Variants in VWA3B observed in about 807,000 individuals in gnomAD.
The protein encoded by VWA3B is von Willebrand factor A domain containing 3B.
A neutral mutation model predicts 158.3 loss-of-function variants in VWA3B; 138 were observed. The observed-to-expected ratio is 0.87, with a 90% CI of 0.76 to 1.00. VWA3B has a LOEUF of 1.00. Among genes scored for constraint, VWA3B ranks in the 50% least tolerant of loss-of-function variants. The pLI, the probability that VWA3B is intolerant of heterozygous loss-of-function variation, is 0.00. For missense variants in VWA3B, 1,555 were observed against 1,565.1 expected, an observed-to-expected ratio of 0.99 and a Z score of 0.11; for synonymous variants, 596 against 587.3, an observed-to-expected ratio of 1.01 and a Z score of -0.21.
At chr2:98,186,450 T>C (rs574505002) in intron 9 of VWA3B, among the ~76,000 whole-genome samples, 1 of 152,240 alleles carries the variant, frequency 6.6e-6, no homozygotes, top group South Asian at 2.1e-4. Context: ...TACCTGGATG[T>C]CTAATAGGCA....
chr2:98,217,809 A>G (rs758951028), intron 13 of VWA3B, 37 bp from the exon 14 acceptor site: 49 of 1,516,044 alleles, frequency 3.2e-5, no homozygotes, highest in Non-Finnish European at 4.0e-5. Flanking sequence ...TTCTCTTTCC[A>G]TCTCCCTTCC....
chr2:98,159,122 T>G (rs924040207), intron 7 of VWA3B, among the ~76,000 whole-genome samples: 2 of 152,234 alleles, frequency 1.3e-5, no homozygotes, highest in Non-Finnish European at 1.5e-5. Context: ...GAGTCTCATT[T>G]TATTTGTCAA....
intron 7 of VWA3B, among the ~76,000 whole-genome samples, chr2:98,150,411 C>T (rs1436084777): frequency 6.6e-6 from 1 of 152,172 alleles, no homozygotes; most frequent in East Asian, 1.9e-4. Flanking sequence ...TATTGTCCTT[C>T]AGGAGTTCGT....
At chr2:98,322,200 A>G in the VWA3B span, among the ~76,000 whole-genome samples, 1 of 152,216 alleles carries the variant, frequency 6.6e-6, no homozygotes, top group East Asian at 1.9e-4. Flanking sequence ...CTCTATTTAA[A>G]GGCACAATAA....
intron 19 of VWA3B, among the ~76,000 whole-genome samples, chr2:98,246,984 A>G (rs987659222): frequency 6.6e-6 from 1 of 151,890 alleles, no homozygotes; most frequent in African/African-American, 2.4e-5. Flanking sequence ...TGATTGTTTT[A>G]AAAGTTTTAA....
At chr2:98,211,889 T>G (rs761963784) in intron 12 of VWA3B, 41 bp from the exon 13 acceptor site, 1 of 1,542,976 alleles carries the variant, frequency 6.5e-7, no homozygotes. Flanking sequence ...GAATTCTTTT[T>G]TGGGATTCAA....
chr2:98,258,096 CT>C (rs1243478473), intron 21 of VWA3B, among the ~76,000 whole-genome samples: 2 of 151,876 alleles, frequency 1.3e-5, no homozygotes, highest in Non-Finnish European at 2.9e-5. Flanking sequence ...TTATCCAGCA[CT>C]ATTTGTTTAA....
At chr2:98,088,279 C>T (rs1682008597) in intron 1 of VWA3B, among the ~76,000 whole-genome samples, 1 of 152,162 alleles carries the variant, frequency 6.6e-6, no homozygotes, top group South Asian at 2.1e-4. Flanking sequence ...AATAAAGTAG[C>T]TAGAAGCTTA....
intron 23 of VWA3B, among the ~76,000 whole-genome samples, chr2:98,293,694 A>G (rs1689628171): frequency 1.3e-5 from 2 of 152,304 alleles, no homozygotes; most frequent in South Asian, 4.1e-4. Context: ...TTATCATGTT[A>G]CTTTATCCCT....
At chr2:98,245,015 T>A (rs1046924804) in intron 19 of VWA3B, among the ~76,000 whole-genome samples, 4 of 152,090 alleles carry the variant, frequency 2.6e-5, no homozygotes, top group Non-Finnish European at 5.9e-5. Flanking sequence ...TACCTCTACC[T>A]CTCTACTAGT....
At chr2:98,156,340 C>T (rs1232119028) in intron 7 of VWA3B, among the ~76,000 whole-genome samples, 1 of 152,206 alleles carries the variant, frequency 6.6e-6, no homozygotes, top group Non-Finnish European at 1.5e-5. Context: ...TAATTAGCCT[C>T]CTAGAACTTG....
chr2:98,158,023 T>A (rs1678242169), intron 7 of VWA3B, among the ~76,000 whole-genome samples: 1 of 152,158 alleles, frequency 6.6e-6, no homozygotes, highest in Admixed American at 6.5e-5. Context: ...ACTTCGTGTT[T>A]TAAGGGATGT....
chr2:98,158,669 C>T (rs1233586043), intron 7 of VWA3B, among the ~76,000 whole-genome samples: 3 of 146,254 alleles, frequency 2.1e-5, no homozygotes, highest in Admixed American at 6.9e-5. Flanking sequence ...GTTCATTCCA[C>T]GGGACTGAGA....
intron 7 of VWA3B, among the ~76,000 whole-genome samples, chr2:98,135,669 G>T (rs1279667006): frequency 1.3e-5 from 2 of 152,168 alleles, no homozygotes; most frequent in Non-Finnish European, 2.9e-5. Flanking sequence ...TGCTTGGCAT[G>T]GATCGTTGTT....
At chr2:98,185,508 G>A (rs997107671) in intron 9 of VWA3B, among the ~76,000 whole-genome samples, 8 of 152,172 alleles carry the variant, frequency 5.3e-5, no homozygotes, top group African/African-American at 1.9e-4. Context: ...TGGATATTTT[G>A]TGCTGCCTAG....
chr2:98,262,078 T>G (rs897601247), intron 21 of VWA3B, among the ~76,000 whole-genome samples: 2 of 151,844 alleles, frequency 1.3e-5, no homozygotes, highest in African/African-American at 4.8e-5. Context: ...TATATCTTCT[T>G]TGGAGAAATG....
intron 7 of VWA3B, among the ~76,000 whole-genome samples, chr2:98,139,282 C>A (rs1344879992): frequency 6.6e-6 from 1 of 152,220 alleles, no homozygotes; most frequent in African/African-American, 2.4e-5. Context: ...CCTGAGCCTT[C>A]CCCCGCCTCC....
At chr2:98,227,922 T>C (rs1254795999) in intron 14 of VWA3B, among the ~76,000 whole-genome samples, 1 of 152,254 alleles carries the variant, frequency 6.6e-6, no homozygotes, top group East Asian at 1.9e-4. Context: ...TCAATAAAGC[T>C]GGCTAAAAAT....
Position 98,251,146 on chromosome 2 carries a change from T to C in VWA3B, c.2792+710T>C, listed in dbSNP as rs546082498. On this transcript the variant is annotated intron_variant, in intron 20 of 27. Coordinates refer to ENST00000477737, the MANE Select transcript of VWA3B (RefSeq NM_144992.5). ...TAAACAACAGTGGCAGCAGCTATTG[T>C]AGGGGCTTCCTACATGCTAGGCACT... Among the ~76,000 whole-genome samples the C allele has an allele frequency of 1.2e-3, 186 of 152,222 alleles. 1 individual carries two copies. Among genetic ancestry groups the C allele is most frequent in the South Asian group, 1.9e-3 (9 of 4,816 alleles).
Sources: allele counts gnomAD v4.1 joint callset (sites outside exome capture counted in the v4.1 genomes callset), GRCh38; gene constraint gnomAD v4.1.1; transcripts MANE v1.5; gene names NCBI Gene and HGNC (gene_info 2026-07-23, HGNC 2026-07-21).